The following ERCC1 variants were observed in gnomAD, a reference collection of about 807,000 sequenced individuals.
The protein encoded by ERCC1 is ERCC excision repair 1, endonuclease non-catalytic subunit.
In ERCC1, 36 loss-of-function variants were observed where a neutral mutation model predicts 37.6. The ratio of observed to expected loss-of-function variants is 0.96; its 90% CI spans 0.73 to 1.26. The LOEUF (loss-of-function observed/expected upper bound fraction) is 1.26. ERCC1 is among the 50% of genes most tolerant of loss of function. The pLI, the probability that ERCC1 is intolerant of heterozygous loss-of-function variation, is 0.00. For synonymous variants in ERCC1, 156 were observed against 162.1 expected (o/e 0.96, Z 0.28); for missense variants, 349 against 376.5 (o/e 0.93, Z 0.60).
In ERCC1 at chr19:45,413,693, C is replaced by A. The variant is rs1449671651; in HGVS notation, c.827G>T (p.Gly276Val). 3 of 1,614,048 alleles carry A rather than the reference C, an allele frequency of 1.9e-6. No homozygotes were observed. Among genetic ancestry groups the A allele is most frequent in the Non-Finnish European group, 2.5e-6 (3 of 1,180,060 alleles). ...AGCTCTTACTTTCTGAGGGCCCAGG[C>A]CTGGGCATAAGGCCAGATCTTCTCT... The part of the protein sequence containing the change: ...ASREDLALCP[G>V]LGPQKARRLF... The change falls in exon 9 of 10, where the codon GGC (glycine) becomes GTC (valine). Residue 276 changes from glycine to valine, a missense_variant. Coordinates refer to ENST00000300853, the MANE Select transcript of ERCC1 (RefSeq NM_001983.4).
At chr19:45,415,337 G>GAA (rs34174936) in intron 6 of ERCC1, among the ~76,000 whole-genome samples, 1,504 of 67,434 alleles carry the variant, frequency 0.022, 54 homozygotes, top group African/African-American at 0.069. Flanking sequence ...CTCCATTTCA[G>GAA]AAAAAAAAAA....
chr19:45,426,103 C>T (rs1459389043), upstream of ERCC1, among the ~76,000 whole-genome samples: 5 of 151,570 alleles, frequency 3.3e-5, no homozygotes, highest in Non-Finnish European at 7.4e-5. Flanking sequence ...ATTAGAGTCC[C>T]GGTGCAGTGG....
In ERCC1 at chr19:45,444,578, C is replaced by T. The variant is rs116791214; in HGVS notation, c.-7-21197G>A. Among the ~76,000 whole-genome samples the T allele has an allele frequency of 8.0e-3, 1,216 of 152,282 alleles. 16 individuals carry two copies. Among genetic ancestry groups the T allele is most frequent in the African/African-American group, 0.027 (1,136 of 41,578 alleles). ...CCAGAGGCCTCAGGGCGCAGAAACC[C>T]GGAGACTGAGGCGCAGCAAAGAGGA... On this transcript the variant is annotated intron_variant, in intron 1 of 8. Transcript: ENST00000423698.
intron 1 of ERCC1, 100 bp downstream of exon 1, chr19:45,423,681 C>T: frequency 7.9e-7 from 1 of 1,259,458 alleles, no homozygotes; most frequent in African/African-American, 1.5e-5. Flanking sequence ...AGGCTAGCAT[C>T]TGGACGCCCT....
chr19:45,434,161 A>C (rs202135202), intron 1 of ERCC1, among the ~76,000 whole-genome samples: 22,909 of 108,768 alleles, frequency 0.21, 2,109 homozygotes, highest in East Asian at 0.36. Context: ...CACACAAAAA[A>C]AAAAAAAAAA....
At chr19:45,429,616 C>A (rs1974785308) in intron 1 of ERCC1, among the ~76,000 whole-genome samples, 3 of 149,688 alleles carry the variant, frequency 2.0e-5, no homozygotes, top group Non-Finnish European at 2.9e-5. Context: ...AAGGAATGGA[C>A]TCAGGGACCC....
rs768138183 is a variant in ERCC1 at position 45,408,177 on chromosome 19, A to AGGGCAAATTGGC, written c.*1486_*1497dup. On this transcript the variant is annotated 3_prime_UTR_variant, in exon 10 of 10. Transcript: ENST00000300853. ...CCTCTCTCTGGCTCCCAGATCGTCA[A>AGGGCAAATTGGC]GGGCAAATTGGCAGGCAAGCGGCAC... 3.7e-6 allele frequency: 6 copies of AGGGCAAATTGGC among 1,611,622 alleles called. No homozygotes were observed. In the East Asian group the frequency reaches 1.3e-4, roughly 36 times the overall value.
chr19:45,409,316 C>T lies in ERCC1; in HGVS notation c.*359G>A, dbSNP rs558144446. ...AGAGCCTGAACTGCCAGGGGAGGGA[C>T]AGCCTGAAGCCAGGGCAACTCCGGG... On this transcript the variant is annotated 3_prime_UTR_variant, in exon 10 of 10. Transcript: ENST00000300853. 6.2e-7 allele frequency: 1 copy of T among 1,614,010 alleles called. No homozygotes were observed. Among genetic ancestry groups the T allele is most frequent in the South Asian group, 1.1e-5 (1 of 91,064 alleles).
intron 9 of ERCC1, 75 bp from the exon 10 acceptor site, chr19:45,409,800 T>C (rs1973577767): frequency 2.8e-6 from 2 of 722,498 alleles, no homozygotes; most frequent in East Asian, 5.2e-5. Context: ...AGAGTGGGGT[T>C]TTGGTTCTTT....
rs1370173436 is a variant in ERCC1 at position 45,408,446 on chromosome 19, G to C, written c.*1229C>G. On this transcript the variant is annotated 3_prime_UTR_variant, in exon 10 of 10. Coordinates refer to ENST00000300853, the MANE Select transcript of ERCC1 (RefSeq NM_001983.4). ...CTTTGGGGGCAACCCACCAGTCACAGGGCCTAGGTCAGCCTTGGCCCCCAA... is the reference window on the plus strand; with the variant it reads ...CTTTGGGGGCAACCCACCAGTCACACGGCCTAGGTCAGCCTTGGCCCCCAA... 1 of 1,613,758 alleles carries C rather than the reference G, an allele frequency of 6.2e-7. No homozygotes were observed. The highest frequency in any genetic ancestry group is 8.5e-7 in the Non-Finnish European group (1 of 1,179,934).
intron 1 of ERCC1, 87 bp downstream of exon 1, chr19:45,423,694 C>T: frequency 8.1e-7 from 1 of 1,237,768 alleles, no homozygotes. Flanking sequence ...GACGCCCTCC[C>T]CACGCCTGGC....
At chr19:45,423,450 C>T in intron 1 of ERCC1, 69 bp from the exon 2 acceptor site, 1 of 1,542,560 alleles carries the variant, frequency 6.5e-7, no homozygotes, top group South Asian at 1.2e-5. Flanking sequence ...GCAGGAACCC[C>T]CCACTCACAG....
At chr19:45,427,541 G>A (rs2070007786), upstream of ERCC1, among the ~76,000 whole-genome samples, 2 of 152,278 alleles carry the variant, frequency 1.3e-5, no homozygotes, top group South Asian at 4.1e-4. Flanking sequence ...TTGAACCCAG[G>A]AGGCGGAGGT....
rs1166983840 is a variant in ERCC1 at position 45,408,458 on chromosome 19, G to A, written c.*1217C>T. On this transcript the variant is annotated 3_prime_UTR_variant, in exon 10 of 10. Coordinates refer to ENST00000300853, the MANE Select transcript of ERCC1 (RefSeq NM_001983.4). ...CCCACCAGTCACAGGGCCTAGGTCA[G>A]CCTTGGCCCCCAACCTGCTCACCTC... 6.2e-7 allele frequency: 1 copy of A among 1,613,808 alleles called. No homozygotes were observed. The highest frequency in any genetic ancestry group is 2.2e-5 in the East Asian group (1 of 44,898).
rs55776297 is a variant in ERCC1 at position 45,409,590 on chromosome 19, AG to A, written c.*84del. The A allele has an allele frequency of 1.0e-3, 1,572 of 1,578,828 alleles. 17 individuals are homozygous for A. In the African/African-American group the frequency reaches 0.017, roughly 17 times the overall value. On this transcript the variant is annotated 3_prime_UTR_variant, in exon 10 of 10. Transcript: ENST00000300853. ...TGACACCCCCAGAATCCCTCCCCAGAGACTGCACCAGCGCAGCCAGCAGGAG... is the reference window on the plus strand; with the variant it reads ...TGACACCCCCAGAATCCCTCCCCAGAACTGCACCAGCGCAGCCAGCAGGAG...
upstream of ERCC1, among the ~76,000 whole-genome samples, chr19:45,428,028 A>ATGT (rs1974738202): frequency 2.0e-5 from 3 of 148,264 alleles, no homozygotes. Flanking sequence ...GGCAAGTTGG[A>ATGT]TGTTGGATTT....
rs150489694 is a variant in ERCC1, at chr19:45,437,713, G to A, written c.-7-14332C>T. Among the ~76,000 whole-genome samples the A allele has an allele frequency of 3.9e-4, 60 of 152,230 alleles. No homozygotes were observed. In the East Asian group the frequency reaches 0.011, roughly 27 times the overall value. On this transcript the variant is annotated intron_variant, in intron 1 of 8. Transcript: ENST00000423698. ...AGTCCAGGGAAGTGGGAGAGGGTTG[G>A]GAAAAGAGAAGATGTTGATCAAAGG...
At chr19:45,450,927 C>G (rs1436535523) in intron 1 of ERCC1, among the ~76,000 whole-genome samples, 1 of 141,508 alleles carries the variant, frequency 7.1e-6, no homozygotes, top group South Asian at 2.3e-4. Flanking sequence ...GACGCGGTGA[C>G]GCGACGGACT....
At chr19:45,429,139 A>G (rs1219527342) in intron 1 of ERCC1, 1 of 152,326 alleles carries the variant, frequency 6.6e-6, no homozygotes, top group East Asian at 1.9e-4. Flanking sequence ...AGGTTGGATC[A>G]GAAGTGGGAC....
Sources: gnomAD v4.1 joint callset for allele counts (sites outside exome capture counted in the v4.1 genomes callset) on GRCh38, gnomAD v4.1.1 for gene constraint, MANE v1.5 for transcripts, NCBI Gene and HGNC (gene_info 2026-07-23, HGNC 2026-07-21) for gene names.